AVEN: variants seen among roughly 807,000 people sequenced by gnomAD.
AVEN encodes cell death regulator Aven.
Under a neutral mutation model 38.1 loss-of-function variants are expected in AVEN, and 41 were observed. The ratio of observed to expected loss-of-function variants is 1.08; its 90% CI spans 0.84 to 1.40. The LOEUF (loss-of-function observed/expected upper bound fraction) is 1.40, where lower values mean the gene tolerates loss of function less well. AVEN is among the 40% of genes most tolerant of loss of function. The pLI is 0.00. For synonymous variants in AVEN, 206 were observed against 171.8 expected, an observed-to-expected ratio of 1.20 and a Z score of -1.56; for missense variants, 605 against 438.8, an observed-to-expected ratio of 1.38 and a Z score of -3.38.
chr15:34,074,284 C>T (rs2576310), intron 1 of AVEN, among the ~76,000 whole-genome samples: 21,594 of 151,846 alleles, frequency 0.14, 1,771 homozygotes, highest in South Asian at 0.27. Context: ...AGACATGAGC[C>T]ACTGCACCTG....
intron 2 of AVEN, among the ~76,000 whole-genome samples, chr15:33,888,281 GAC>G (rs1180805593): frequency 6.6e-6 from 1 of 152,080 alleles, no homozygotes; most frequent in Non-Finnish European, 1.5e-5. Context: ...TGCAATGACA[GAC>G]ACAAAGTCTT....
chr15:34,022,064 A>C (rs1898225650), intron 1 of AVEN, among the ~76,000 whole-genome samples: 1 of 152,238 alleles, frequency 6.6e-6, no homozygotes, highest in South Asian at 2.1e-4. Context: ...CAATAAGGAC[A>C]AGTACATGCA....
chr15:33,911,203 A>G (rs1892907039), intron 2 of AVEN, among the ~76,000 whole-genome samples: 1 of 152,180 alleles, frequency 6.6e-6, no homozygotes, highest in African/African-American at 2.4e-5. Flanking sequence ...CCAATACCAT[A>G]TTAAGTAGGA....
chr15:34,017,493 T>TTG (rs1555516598), intron 1 of AVEN, among the ~76,000 whole-genome samples: 2 of 97,646 alleles, frequency 2.0e-5, no homozygotes, highest in East Asian at 2.4e-4. Flanking sequence ...TGTTTTTTTT[T>TTG]TTTTTTTGAG....
chr15:34,060,649 G>C (rs894715026), intron 5 of AVEN, among the ~76,000 whole-genome samples: 27 of 152,344 alleles, frequency 1.8e-4, no homozygotes, highest in African/African-American at 6.0e-4. Flanking sequence ...GCTGAGGTGG[G>C]TGGATCGCCT....
intron 1 of AVEN, among the ~76,000 whole-genome samples, chr15:34,070,798 CAA>C (rs1174848435): frequency 6.6e-6 from 1 of 152,192 alleles, no homozygotes; most frequent in Non-Finnish European, 1.5e-5. Context: ...ACATTAAACT[CAA>C]AGAGGGCACA....
At chr15:34,027,548 A>G (rs1898543448) in intron 1 of AVEN, among the ~76,000 whole-genome samples, 1 of 151,668 alleles carries the variant, frequency 6.6e-6, no homozygotes, top group Admixed American at 6.6e-5. Context: ...AAAAGAAAGA[A>G]AACGAACAGC....
chr15:33,864,295 C>G, downstream of AVEN: 1 of 830,550 alleles, frequency 1.2e-6, no homozygotes, highest in Non-Finnish European at 1.9e-6. Context: ...CCATTAATCC[C>G]GTGAATGCAT....
At chr15:33,911,431 ATACTT>A (rs1567409688) in intron 2 of AVEN, among the ~76,000 whole-genome samples, 1 of 152,226 alleles carries the variant, frequency 6.6e-6, no homozygotes. Flanking sequence ...GAAGGATAAA[ATACTT>A]TACATACCCT....
chr15:33,857,559 T>C (rs1230509526), downstream of AVEN, among the ~76,000 whole-genome samples: 1 of 152,070 alleles, frequency 6.6e-6, no homozygotes, highest in Non-Finnish European at 1.5e-5. Context: ...CACCCCATCA[T>C]TACTCTTTTC....
At chr15:33,862,512 C>A (rs2153021903), downstream of AVEN, among the ~76,000 whole-genome samples, 1 of 152,310 alleles carries the variant, frequency 6.6e-6, no homozygotes, top group South Asian at 2.1e-4. Context: ...GAGCCCTCAT[C>A]TTTCTTTAGG....
chr15:33,986,439 C>G (rs1896473778), intron 2 of AVEN, among the ~76,000 whole-genome samples: 1 of 151,982 alleles, frequency 6.6e-6, no homozygotes, highest in Non-Finnish European at 1.5e-5. Context: ...TCTGTATAAA[C>G]ACAAGGCAGA....
chr15:33,925,361 C>T (rs1893571115), intron 2 of AVEN, among the ~76,000 whole-genome samples: 1 of 152,118 alleles, frequency 6.6e-6, no homozygotes, highest in Non-Finnish European at 1.5e-5. Context: ...CATATGATAC[C>T]CACAGAATTA....
intron 5 of AVEN, among the ~76,000 whole-genome samples, chr15:34,049,128 A>G (rs1438643765): frequency 1.3e-5 from 2 of 152,226 alleles, no homozygotes; most frequent in Non-Finnish European, 2.9e-5. Flanking sequence ...TGAAAACTCA[A>G]AAAGACAGAG....
At chr15:33,982,093 CT>C (rs2140528097) in intron 2 of AVEN, among the ~76,000 whole-genome samples, 1 of 152,028 alleles carries the variant, frequency 6.6e-6, no homozygotes, top group Non-Finnish European at 1.5e-5. Context: ...TCTTGAACTC[CT>C]GACCTCAGAT....
At chr15:33,907,415 A>G (rs1892746526) in intron 2 of AVEN, among the ~76,000 whole-genome samples, 2 of 152,164 alleles carry the variant, frequency 1.3e-5, no homozygotes, top group South Asian at 2.1e-4. Context: ...TTGCTTCCAC[A>G]TGGGATTATG....
intron 2 of AVEN, among the ~76,000 whole-genome samples, chr15:33,890,232 C>T (rs1258311807): frequency 2.0e-5 from 3 of 152,078 alleles, no homozygotes; most frequent in Non-Finnish European, 4.4e-5. Flanking sequence ...TGCCTAGCTC[C>T]ACACAAAGCC....
intron 2 of AVEN, among the ~76,000 whole-genome samples, chr15:33,880,729 ATAG>A (rs1891450351): frequency 6.6e-6 from 1 of 152,204 alleles, no homozygotes; most frequent in South Asian, 2.1e-4. Flanking sequence ...TGAGACCAAA[ATAG>A]TAGAAAACAA....
At chr15:33,998,842 T>C (rs1248733236) in intron 2 of AVEN, among the ~76,000 whole-genome samples, 5 of 152,340 alleles carry the variant, frequency 3.3e-5, no homozygotes, top group South Asian at 2.1e-4. Context: ...CTCTAGACAC[T>C]GTGGTGCCTG....
Sources: allele counts gnomAD v4.1 joint callset (sites outside exome capture counted in the v4.1 genomes callset), GRCh38; gene constraint gnomAD v4.1.1; transcripts MANE v1.5; gene names NCBI Gene and HGNC (gene_info 2026-07-23, HGNC 2026-07-21).